The following GPC6 variants were observed in gnomAD, a reference collection of about 807,000 sequenced individuals.
GPC6 encodes glypican 6, also known as glypican-6.
In GPC6, 14 loss-of-function variants were observed where a neutral mutation model predicts 55.2. The observed-to-expected ratio is 0.25, with a 90% confidence interval of 0.17 to 0.40. GPC6 has a LOEUF of 0.40. Ranked by LOEUF, GPC6 falls within the 10% of genes least tolerant of loss-of-function variation. The pLI is 1.00. For synonymous variants in GPC6, 278 were observed against 259.6 expected (o/e 1.07, Z -0.68); for missense variants, 641 against 708.5 (o/e 0.90, Z 1.08).
chr13:93,798,325 A>T (rs1379311378), intron 2 of GPC6, among the ~76,000 whole-genome samples: 1 of 152,226 alleles, frequency 6.6e-6, no homozygotes, highest in Non-Finnish European at 1.5e-5. Flanking sequence ...TTGAACATGT[A>T]TAAATGACAT....
chr13:93,496,379 G>A (rs1221081192), intron 1 of GPC6, among the ~76,000 whole-genome samples: 1 of 152,130 alleles, frequency 6.6e-6, no homozygotes, highest in Non-Finnish European at 1.5e-5. Context: ...GCCCTGCTTC[G>A]GCTCGCGCAC....
intron 3 of GPC6, among the ~76,000 whole-genome samples, chr13:94,016,277 A>C (rs1373213136): frequency 6.6e-6 from 1 of 152,112 alleles, no homozygotes; most frequent in Non-Finnish European, 1.5e-5. Context: ...TTTCTCATTC[A>C]TTCATTGATG....
At chr13:94,371,076 C>G (rs1370451892) in intron 6 of GPC6, among the ~76,000 whole-genome samples, 1 of 152,068 alleles carries the variant, frequency 6.6e-6, no homozygotes, top group African/African-American at 2.4e-5. Flanking sequence ...AATGCCTTAG[C>G]CAGTACATAT....
intron 4 of GPC6, among the ~76,000 whole-genome samples, chr13:94,152,106 G>T (rs1402854279): frequency 6.6e-6 from 1 of 152,136 alleles, no homozygotes; most frequent in Non-Finnish European, 1.5e-5. Flanking sequence ...TTTGAATAAT[G>T]CAGGTATTGG....
intron 2 of GPC6, among the ~76,000 whole-genome samples, chr13:93,709,917 A>G (rs968565440): frequency 3.3e-5 from 5 of 151,804 alleles, no homozygotes; most frequent in Admixed American, 1.3e-4. Flanking sequence ...AAATATTATA[A>G]ATAACAGTTC....
intron 3 of GPC6, among the ~76,000 whole-genome samples, chr13:93,957,500 T>C (rs958201698): frequency 6.6e-6 from 1 of 152,192 alleles, no homozygotes; most frequent in East Asian, 1.9e-4. Flanking sequence ...CCTGCATTAG[T>C]TGGCTTAGGA....
chr13:93,558,323 G>T (rs1875587693), intron 2 of GPC6, among the ~76,000 whole-genome samples: 1 of 152,162 alleles, frequency 6.6e-6, no homozygotes, highest in African/African-American at 2.4e-5. Flanking sequence ...GACCCTGACA[G>T]TCCTATAGAG....
intron 1 of GPC6, among the ~76,000 whole-genome samples, chr13:93,254,708 A>G (rs1011445041): frequency 4.1e-5 from 6 of 147,656 alleles, no homozygotes; most frequent in Non-Finnish European, 6.0e-5. Flanking sequence ...GGAATTATAT[A>G]AAAAAAAAAT....
chr13:94,008,283 A>C (rs970191935), intron 3 of GPC6, among the ~76,000 whole-genome samples: 4 of 152,224 alleles, frequency 2.6e-5, no homozygotes, highest in Non-Finnish European at 5.9e-5. Context: ...CAGTACAATC[A>C]TCTTCATATT....
intron 4 of GPC6, among the ~76,000 whole-genome samples, chr13:94,170,740 C>T (rs1432152373): frequency 1.3e-5 from 2 of 152,132 alleles, no homozygotes; most frequent in East Asian, 3.8e-4. Flanking sequence ...GGGAATAAAG[C>T]CATGAGAGTT....
At chr13:93,753,721 C>G (rs970504573) in intron 2 of GPC6, among the ~76,000 whole-genome samples, 2 of 152,090 alleles carry the variant, frequency 1.3e-5, no homozygotes, top group African/African-American at 2.4e-5. Flanking sequence ...CCCCCAACCC[C>G]TCCACCAACC....
intron 1 of GPC6, among the ~76,000 whole-genome samples, chr13:93,401,683 A>G (rs551040381): frequency 8.1e-6 from 1 of 122,970 alleles, no homozygotes; most frequent in African/African-American, 2.8e-5. Flanking sequence ...CTTCTTCATG[A>G]ATGGACTTTT....
chr13:93,765,897 A>G (rs1216269298), intron 2 of GPC6, among the ~76,000 whole-genome samples: 1 of 152,216 alleles, frequency 6.6e-6, no homozygotes, highest in Non-Finnish European at 1.5e-5. Flanking sequence ...ATCATGGATA[A>G]AAGTTAACAT....
intron 6 of GPC6, among the ~76,000 whole-genome samples, chr13:94,308,595 T>A (rs1248592603): frequency 6.6e-6 from 1 of 152,216 alleles, no homozygotes; most frequent in Non-Finnish European, 1.5e-5. Context: ...TTCTAAAACA[T>A]TCTCAGACAG....
At chr13:94,107,669 A>T (rs1239807821) in intron 4 of GPC6, among the ~76,000 whole-genome samples, 1 of 151,368 alleles carries the variant, frequency 6.6e-6, no homozygotes, top group Non-Finnish European at 1.5e-5. Flanking sequence ...ACTATAAAAT[A>T]TGTTAGGTTT....
chr13:94,337,969 TAA>T (rs1877806432), intron 6 of GPC6, among the ~76,000 whole-genome samples: 1 of 152,168 alleles, frequency 6.6e-6, no homozygotes, highest in African/African-American at 2.4e-5. Flanking sequence ...GGGCACACGC[TAA>T]GTTTGGACAA....
intron 5 of GPC6, among the ~76,000 whole-genome samples, chr13:94,301,871 T>C (rs971799255): frequency 1.3e-5 from 2 of 152,212 alleles, no homozygotes; most frequent in African/African-American, 4.8e-5. Context: ...GCCCTATCCA[T>C]CACATTATTA....
At chr13:93,849,975 C>T (rs1461504734) in intron 3 of GPC6, among the ~76,000 whole-genome samples, 1 of 152,012 alleles carries the variant, frequency 6.6e-6, no homozygotes, top group East Asian at 1.9e-4. Flanking sequence ...TACAATTAAG[C>T]TGTTCTGACT....
chr13:94,047,940 G>C (rs1248350949), intron 4 of GPC6, among the ~76,000 whole-genome samples: 1 of 151,890 alleles, frequency 6.6e-6, no homozygotes, highest in Non-Finnish European at 1.5e-5. Context: ...TTCTGAAATA[G>C]ACATTTATTT....
Sources: gnomAD v4.1 joint callset for allele counts (sites outside exome capture counted in the v4.1 genomes callset) on GRCh38, gnomAD v4.1.1 for gene constraint, MANE v1.5 for transcripts, NCBI Gene and HGNC (gene_info 2026-07-23, HGNC 2026-07-21) for gene names.